NDUFA8: variants seen among roughly 807,000 people sequenced by gnomAD.
The protein encoded by NDUFA8 is NADH dehydrogenase [ubiquinone] 1 alpha subcomplex subunit 8.
Under a neutral mutation model 20.9 loss-of-function variants are expected in NDUFA8, and 16 were observed. That is an observed-to-expected ratio of 0.77 (90% CI 0.52 to 1.16). NDUFA8 has a LOEUF of 1.16. Ranked by LOEUF, NDUFA8 falls within the 50% of genes most tolerant of loss-of-function variation. The pLI is 0.00. For synonymous variants in NDUFA8, 70 were observed against 76.1 expected (o/e 0.92, Z 0.41); for missense variants, 202 against 216.4 (o/e 0.93, Z 0.42).
intron 1 of NDUFA8, 93 bp downstream of exon 1, chr9:122,159,534 G>A: frequency 2.7e-6 from 4 of 1,495,572 alleles, no homozygotes; most frequent in Non-Finnish European, 3.7e-6. Flanking sequence ...GGGGGCCCGG[G>A]TCCCAGGATC....
Position 122,144,374 on chromosome 9 carries a change from G to A in NDUFA8, c.386C>T (p.Thr129Ile), listed in dbSNP as rs372735663. ...RPDLGELSKV[T>I]KVKTDRPLPE... is the part of the protein sequence containing the mutation. ...TAAAGGTCGATCTGTTTTCACTTTG[G>A]TGACCTGGGAAGGGTGAAGAGGGCA... Residue 129 changes from threonine (T) to isoleucine (I), a missense_variant, in exon 4 of 4, where the codon ACC becomes ATC. By Grantham distance (89) the Thr-to-Ile change is moderately conservative. Coordinates refer to ENST00000373768, the MANE Select transcript of NDUFA8 (RefSeq NM_014222.3). 37 of 1,614,042 alleles carry A rather than the reference G, an allele frequency of 2.3e-5. No homozygotes were observed. The highest frequency in any genetic ancestry group is 3.1e-5 in the Non-Finnish European group (37 of 1,180,016).
chr9:122,145,244 T>C (rs1311850777), intron 3 of NDUFA8, among the ~76,000 whole-genome samples: 1 of 152,130 alleles, frequency 6.6e-6, no homozygotes, highest in Admixed American at 6.6e-5. Context: ...GGCTGGGAAG[T>C]GTGAAAGCTA....
At chr9:122,144,473 C>T (rs1828872641) in intron 3 of NDUFA8, 95 bp from the exon 4 acceptor site, 4 of 1,166,294 alleles carry the variant, frequency 3.4e-6, no homozygotes, top group Non-Finnish European at 5.2e-6. Flanking sequence ...TCATTGCTCC[C>T]GCTGCTACAA....
At chr9:122,159,572 G>A in intron 1 of NDUFA8, 55 bp downstream of exon 1, 6 of 1,607,746 alleles carry the variant, frequency 3.7e-6, no homozygotes, top group Non-Finnish European at 5.1e-6. Flanking sequence ...GCTAGGCCCA[G>A]GCCCGAGAAG....
In NDUFA8 at chr9:122,144,394, A is replaced by G; in HGVS notation, c.382-16T>C. The G allele has an allele frequency of 1.2e-6, 2 of 1,612,814 alleles. No homozygotes were observed. Among genetic ancestry groups the G allele is most frequent in the South Asian group, 2.2e-5 (2 of 91,052 alleles). On this transcript the variant is annotated splice_polypyrimidine_tract_variant and intron_variant, in intron 3 of 3. Coordinates refer to ENST00000373768, the MANE Select transcript of NDUFA8 (RefSeq NM_014222.3). ...CTTTGGTGACCTGGGAAGGGTGAAGAGGGCAAAAGCAAAGTTGAAAGCTAG... is the reference window on the plus strand; with the variant it reads ...CTTTGGTGACCTGGGAAGGGTGAAGGGGGCAAAAGCAAAGTTGAAAGCTAG...
chr9:122,158,759 T>C (rs1185947343), intron 1 of NDUFA8, among the ~76,000 whole-genome samples: 1 of 149,516 alleles, frequency 6.7e-6, no homozygotes, highest in Non-Finnish European at 1.5e-5. Context: ...ATATATGGTA[T>C]ATATATATAC....
the NDUFA8 span, among the ~76,000 whole-genome samples, chr9:122,138,037 C>A: frequency 1.3e-5 from 2 of 152,184 alleles, no homozygotes; most frequent in African/African-American, 4.8e-5. Context: ...ACCACAGCAG[C>A]CCAAGGGTGC....
downstream of NDUFA8, among the ~76,000 whole-genome samples, chr9:122,140,642 C>T (rs1017186304): frequency 2.6e-5 from 4 of 152,164 alleles, no homozygotes; most frequent in Non-Finnish European, 5.9e-5. Context: ...TCTTGCAGCA[C>T]TGAGAACAGG....
At chr9:122,146,313 CAG>C (rs917424602) in intron 3 of NDUFA8, among the ~76,000 whole-genome samples, 1 of 151,992 alleles carries the variant, frequency 6.6e-6, no homozygotes, top group African/African-American at 2.4e-5. Flanking sequence ...TTTTATCTCA[CAG>C]AGTTTTAAAA....
At chr9:122,149,288 T>C (rs1283854263) in intron 2 of NDUFA8, among the ~76,000 whole-genome samples, 2 of 152,238 alleles carry the variant, frequency 1.3e-5, no homozygotes, top group African/African-American at 4.8e-5. Context: ...GTTGCTCTCC[T>C]AGAGGTCCAC....
chr9:122,159,486 C>T, intron 1 of NDUFA8, 141 bp downstream of exon 1: 3 of 995,884 alleles, frequency 3.0e-6, no homozygotes, highest in Non-Finnish European at 3.2e-6. Context: ...AGGGGACCTC[C>T]GGGGGTCGAC....
At chr9:122,148,961 AAAGAAT>A (rs1326621427) in intron 2 of NDUFA8, among the ~76,000 whole-genome samples, 1 of 152,208 alleles carries the variant, frequency 6.6e-6, no homozygotes, top group Admixed American at 6.5e-5. Flanking sequence ...CTGTGTATAA[AAAGAAT>A]AAGTTTCAGT....
At chr9:122,159,533 G>A in intron 1 of NDUFA8, 94 bp downstream of exon 1, 1 of 1,495,636 alleles carries the variant, frequency 6.7e-7, no homozygotes, top group Non-Finnish European at 9.3e-7. Flanking sequence ...GGGGGGCCCG[G>A]GTCCCAGGAT....
At chr9:122,156,451 T>C (rs1355107178) in intron 1 of NDUFA8, among the ~76,000 whole-genome samples, 4 of 152,244 alleles carry the variant, frequency 2.6e-5, no homozygotes, top group East Asian at 1.9e-4. Context: ...TAGTACTTAA[T>C]AGAACTGTTA....
intron 2 of NDUFA8, among the ~76,000 whole-genome samples, chr9:122,149,895 T>C (rs1384771651): frequency 1.3e-5 from 2 of 152,078 alleles, no homozygotes; most frequent in Admixed American, 1.3e-4. Context: ...AGGCAGAGGT[T>C]GCAGCGAACA....
At chr9:122,150,321 G>A (rs1039005660) in intron 2 of NDUFA8, among the ~76,000 whole-genome samples, 2 of 141,662 alleles carry the variant, frequency 1.4e-5, no homozygotes, top group Admixed American at 7.6e-5. Flanking sequence ...TGAGGCAGGA[G>A]AATGGCGCGA....
intron 3 of NDUFA8, among the ~76,000 whole-genome samples, chr9:122,145,596 C>G (rs892476917): frequency 2.3e-4 from 35 of 152,176 alleles, no homozygotes; most frequent in African/African-American, 8.4e-4. Flanking sequence ...TTTGTGTATA[C>G]AATCACCCAA....
chr9:122,139,982 C>T (rs1828798119), downstream of NDUFA8, among the ~76,000 whole-genome samples: 2 of 152,198 alleles, frequency 1.3e-5, no homozygotes, highest in African/African-American at 2.4e-5. Context: ...CGTGAGCCAC[C>T]GCGCCCGGCC....
At position 122,148,233 on chromosome 9, in the gene NDUFA8, G is replaced by T. The variant is rs1828936432; in HGVS notation, c.260C>A (p.Thr87Asn). The T allele has an allele frequency of 6.2e-7, 1 of 1,614,050 alleles. No homozygotes were observed. Among genetic ancestry groups the T allele is most frequent in the Admixed American group, 1.7e-5 (1 of 60,002 alleles). ...CTGCTGGCCAGTATAATCAATGCAA[G>T]TCCAATATTCTGTAAAAGGCTCTGC... is the stretch of plus-strand genomic sequence containing the variant. The part of the protein sequence containing the change: ...HCAEPFTEYW[T>N]CIDYTGQQLF... The change falls in exon 3 of 4, where the codon ACT (threonine) becomes AAT (asparagine). Residue 87 changes from threonine to asparagine, a missense_variant. Transcript: ENST00000373768.
Sources: gnomAD v4.1 joint callset for allele counts (sites outside exome capture counted in the v4.1 genomes callset) on GRCh38, gnomAD v4.1.1 for gene constraint, MANE v1.5 for transcripts, NCBI Gene and HGNC (gene_info 2026-07-23, HGNC 2026-07-21) for gene names.